BRINP2: variants seen among roughly 807,000 people sequenced by gnomAD.
The protein encoded by BRINP2 is BMP/retinoic acid inducible neural specific 2.
Under a neutral mutation model 69.2 loss-of-function variants are expected in BRINP2, and 21 were observed. The observed-to-expected ratio is 0.30, with a 90% CI of 0.22 to 0.44. The LOEUF (loss-of-function observed/expected upper bound fraction) is 0.44. Ranked by LOEUF, BRINP2 falls within the 20% of genes least tolerant of loss-of-function variation. BRINP2 has a pLI of 1.00. For synonymous variants in BRINP2, 380 were observed against 394.1 expected, an observed-to-expected ratio of 0.96 and a Z score of 0.42; for missense variants, 877 against 986.0, an observed-to-expected ratio of 0.89 and a Z score of 1.48.
Position 177,281,279 on chromosome 1 carries a change from T to A in BRINP2, c.2103T>A (p.Ile701=). The change falls in exon 8 of 8, where the codon ATT becomes ATA. Residue 701 remains isoleucine, a synonymous_variant. Coordinates refer to ENST00000361539, the MANE Select transcript of BRINP2 (RefSeq NM_021165.4). ...ACCCAGATGCTATCCGGGACTTAAT[T>A]CTCCAGTTGGACTACCCATATACTC... ...PFDPDAIRDL[I]LQLDYPYTQG... 1.2e-6 allele frequency: 2 copies of A among 1,614,184 alleles called. No homozygotes were observed. Among genetic ancestry groups the A allele is most frequent in the Non-Finnish European group, 1.7e-6 (2 of 1,180,028 alleles).
intron 1 of BRINP2, among the ~76,000 whole-genome samples, chr1:177,195,931 T>C (rs900114478): frequency 2.6e-5 from 4 of 152,186 alleles, no homozygotes; most frequent in African/African-American, 9.6e-5. Flanking sequence ...TGTACTCCCC[T>C]CTCTGGGCTG....
In BRINP2 at chr1:177,281,037, G is replaced by T; in HGVS notation, c.1861G>T (p.Ala621Ser). ...PDWERTNVDAAAQCQNWTITL... is the reference protein window; with the variant it reads ...PDWERTNVDASAQCQNWTITL... The stretch of plus-strand genomic sequence containing the variant: ...CTGGGAAAGGACTAACGTGGATGCA[G>T]CTGCCCAGTGCCAAAACTGGACTAT... Residue 621 changes from alanine (A) to serine (S), a missense_variant, in exon 8 of 8, where the codon GCT becomes TCT. By Grantham distance (99) the Ala-to-Ser change is moderately conservative (BLOSUM62 1). Coordinates refer to ENST00000361539, the MANE Select transcript of BRINP2 (RefSeq NM_021165.4). 3 of 1,614,200 alleles carry T rather than the reference G, an allele frequency of 1.9e-6. No homozygotes were observed. Among genetic ancestry groups the T allele is most frequent in the Non-Finnish European group, 2.5e-6 (3 of 1,180,038 alleles).
intron 1 of BRINP2, among the ~76,000 whole-genome samples, chr1:177,217,855 A>G (rs979892611): frequency 1.3e-5 from 2 of 152,218 alleles, no homozygotes; most frequent in African/African-American, 4.8e-5. Context: ...CTGAGCTGCC[A>G]TATGGATGCT....
intron 2 of BRINP2, among the ~76,000 whole-genome samples, chr1:177,241,187 G>T (rs1190737630): frequency 1.3e-5 from 2 of 152,118 alleles, no homozygotes; most frequent in Non-Finnish European, 2.9e-5. Flanking sequence ...TAGCCAGGAT[G>T]GTCTCAATCT....
intron 4 of BRINP2, among the ~76,000 whole-genome samples, chr1:177,262,026 G>A (rs983583738): frequency 4.6e-5 from 7 of 152,216 alleles, no homozygotes; most frequent in Non-Finnish European, 7.3e-5. Context: ...AGTACATGAA[G>A]AGTACAAAAG....
At chr1:177,182,902 T>TAAATGACAG (rs1273543841) in intron 1 of BRINP2, among the ~76,000 whole-genome samples, 1 of 152,248 alleles carries the variant, frequency 6.6e-6, no homozygotes, top group Non-Finnish European at 1.5e-5. Flanking sequence ...GAATGCTCCA[T>TAAATGACAG]AAATGACAGT....
rs185081990 is a variant in BRINP2 at position 177,275,211 on chromosome 1, C to T, written c.776-987C>T. The stretch of plus-strand genomic sequence containing the variant: ...CTTCCAGCAGCCGCCTTGTGAGTGG[C>T]TTGAAGCCAACTAGGAGTATGTTCT... On this transcript the variant is annotated intron_variant, in intron 5 of 7. Coordinates refer to ENST00000361539, the MANE Select transcript of BRINP2 (RefSeq NM_021165.4). 1.4e-4 allele frequency: 62 copies of T among 456,254 alleles called. No individual in the cohort carries two copies. In the East Asian group the frequency reaches 4.2e-3, roughly 31 times the overall value. The allele number at this position is 456,254 out of a possible 1,614,324, so 28.3% of individuals were successfully genotyped here. A position where few individuals can be genotyped will look rare whatever the true frequency, so the allele number is the denominator to read the frequency against.
intron 1 of BRINP2, among the ~76,000 whole-genome samples, chr1:177,189,930 G>A (rs1648538470): frequency 6.6e-6 from 1 of 152,210 alleles, no homozygotes; most frequent in Non-Finnish European, 1.5e-5. Context: ...CATCATCAGT[G>A]TGCTCTCAGC....
chr1:177,189,401 T>TG (rs66894675), intron 1 of BRINP2, among the ~76,000 whole-genome samples: 152,270 of 152,270 alleles, frequency 1, 76,135 homozygotes, highest in Non-Finnish European at 1. Flanking sequence ...GTCCTGCCTC[T>TG]GCCAAGCCCC....
intron 2 of BRINP2, among the ~76,000 whole-genome samples, chr1:177,238,448 G>A (rs549117180): frequency 5.8e-4 from 88 of 152,316 alleles, no homozygotes; most frequent in African/African-American, 2.1e-3. Context: ...GAAGCAACTA[G>A]AGAAGCCATC....
intron 1 of BRINP2, among the ~76,000 whole-genome samples, chr1:177,217,617 T>A (rs182181519): frequency 8.1e-4 from 123 of 152,304 alleles, no homozygotes; most frequent in African/African-American, 2.7e-3. Context: ...GACAGACAAC[T>A]TTTCTGGCTT....
intron 1 of BRINP2, among the ~76,000 whole-genome samples, chr1:177,217,681 A>G (rs967004785): frequency 1.5e-4 from 23 of 152,268 alleles, no homozygotes; most frequent in African/African-American, 4.6e-4. Flanking sequence ...ATCTACCCCT[A>G]TGATTCTGGA....
chr1:177,221,925 G>A (rs757369010), intron 1 of BRINP2, among the ~76,000 whole-genome samples: 3 of 152,240 alleles, frequency 2.0e-5, no homozygotes, highest in East Asian at 1.9e-4. Flanking sequence ...AGGAAAGGCA[G>A]GAGTGAGTAC....
At chr1:177,207,533 C>T (rs1649102212) in intron 1 of BRINP2, among the ~76,000 whole-genome samples, 1 of 152,136 alleles carries the variant, frequency 6.6e-6, no homozygotes, top group African/African-American at 2.4e-5. Flanking sequence ...AACCAAGGGT[C>T]TCTGGGCTGA....
intron 4 of BRINP2, among the ~76,000 whole-genome samples, chr1:177,263,476 T>C (rs1470606494): frequency 6.6e-6 from 1 of 152,166 alleles, no homozygotes; most frequent in African/African-American, 2.4e-5. Flanking sequence ...CTTACTTCCA[T>C]GCCCAGGAGC....
At chr1:177,181,432 C>A (rs185875248) in intron 1 of BRINP2, among the ~76,000 whole-genome samples, 1 of 152,324 alleles carries the variant, frequency 6.6e-6, no homozygotes, top group Non-Finnish European at 1.5e-5. Context: ...GCCTGCCTGT[C>A]CCTCACTCCG....
chr1:177,231,305 C>T (rs1649856628), intron 2 of BRINP2, among the ~76,000 whole-genome samples: 1 of 152,284 alleles, frequency 6.6e-6, no homozygotes, highest in East Asian at 1.9e-4. Context: ...AGGATTAGCT[C>T]GCAAGTAGGC....
At chr1:177,254,440 T>C (rs1349228066) in intron 2 of BRINP2, among the ~76,000 whole-genome samples, 1 of 151,732 alleles carries the variant, frequency 6.6e-6, no homozygotes, top group Non-Finnish European at 1.5e-5. Flanking sequence ...CTTAAAGCAG[T>C]AACATTTATT....
Position 177,225,045 on chromosome 1 carries a change from T to C in BRINP2, c.-76-4756T>C, listed in dbSNP as rs1649657524. On this transcript the variant is annotated intron_variant, in intron 1 of 7. Coordinates refer to ENST00000361539, the MANE Select transcript of BRINP2 (RefSeq NM_021165.4). ...ATCCTGAGTGTGTCGTCTTTTGACATGCCTAGCATAAATGGATATTAAAAA... is the reference window on the plus strand; with the variant it reads ...ATCCTGAGTGTGTCGTCTTTTGACACGCCTAGCATAAATGGATATTAAAAA... Among the ~76,000 whole-genome samples the C allele has an allele frequency of 2.6e-5, 4 of 152,222 alleles. No individual in the cohort carries two copies. The South Asian group carries it at 8.3e-4, about 31-fold the overall frequency.
Sources: gnomAD v4.1 joint callset for allele counts (sites outside exome capture counted in the v4.1 genomes callset) on GRCh38, gnomAD v4.1.1 for gene constraint, MANE v1.5 for transcripts, NCBI Gene and HGNC (gene_info 2026-07-23, HGNC 2026-07-21) for gene names.